The following CNTNAP5 variants were observed in gnomAD, a reference collection of about 807,000 sequenced individuals.
The protein encoded by CNTNAP5 is contactin-associated protein-like 5.
CNTNAP5 carries 72 observed loss-of-function variants against 150.2 expected under a neutral mutation model. The ratio of observed to expected loss-of-function variants is 0.48; its 90% CI spans 0.40 to 0.58. CNTNAP5 has a LOEUF of 0.58. Among genes scored for constraint, CNTNAP5 ranks in the 20% least tolerant of loss-of-function variants. The pLI is 0.00. For synonymous variants in CNTNAP5, 672 were observed against 619.8 expected, an observed-to-expected ratio of 1.08 and a Z score of -1.25; for missense variants, 1,636 against 1,626.2, an observed-to-expected ratio of 1.01 and a Z score of -0.10.
At chr2:124,704,314 A>G (rs1679588046) in intron 13 of CNTNAP5, among the ~76,000 whole-genome samples, 2 of 152,174 alleles carry the variant, frequency 1.3e-5, no homozygotes, top group African/African-American at 2.4e-5. Flanking sequence ...TCAGCCTTGA[A>G]AAAATCATTA....
rs746045102 is a variant in CNTNAP5 at position 124,609,915 on chromosome 2, T to C, written c.1871T>C (p.Ile624Thr). The part of the protein sequence containing the change: ...PLGPLQVYCN[I>T]TEDKIWTSVQ... Reference sequence around the variant, plus strand: ...GGACCTCTCCAGGTGTACTGCAATATCACTGGTAAGGGTGCAGTAGCCCTA... The same window carrying C: ...GGACCTCTCCAGGTGTACTGCAATACCACTGGTAAGGGTGCAGTAGCCCTA... The change falls in exon 12 of 24, where the codon ATC becomes ACC. Residue 624 changes from isoleucine (I) to threonine (T), a missense_variant. Transcript: ENST00000682447. 3.7e-6 allele frequency: 6 copies of C among 1,613,586 alleles called. No homozygotes were observed. In the Admixed American group the frequency reaches 1.0e-4, roughly 27 times the overall value.
rs866321995 is a variant in CNTNAP5, at chr2:124,786,410, G to A, written c.2753-3492G>A. 2.2e-3 allele frequency among the ~76,000 whole-genome samples: 172 copies of A among 78,736 alleles called. 1 individual carries two copies. Among genetic ancestry groups the A allele is most frequent in the African/African-American group, 7.9e-3 (128 of 16,192 alleles). 51.7% of individuals were successfully genotyped at this position (78,736 alleles called of 152,430 possible). A position where few individuals can be genotyped will look rare whatever the true frequency, so the allele number is the denominator to read the frequency against. On this transcript the variant is annotated intron_variant, in intron 17 of 23. Transcript: ENST00000682447. ...AAGAAAGAAAGAAAGAAGGAAGGAA[G>A]GAAGGAAGGAAGGAAGGAAGGAAGG...
intron 19 of CNTNAP5, among the ~76,000 whole-genome samples, chr2:124,844,450 C>T (rs1020990318): frequency 9.9e-5 from 15 of 151,974 alleles, no homozygotes; most frequent in African/African-American, 3.6e-4. Flanking sequence ...TAATGCGATG[C>T]CTCCATATTT....
At chr2:124,446,969 G>A (rs1692836230) in intron 6 of CNTNAP5, 32 bp downstream of exon 6, 2 of 1,592,596 alleles carry the variant, frequency 1.3e-6, no homozygotes, top group East Asian at 2.2e-5. Flanking sequence ...CACCTCCTCG[G>A]CCCCTTGCTT....
chr2:124,626,858 T>C (rs4848950), intron 12 of CNTNAP5, among the ~76,000 whole-genome samples: 79,459 of 151,800 alleles, frequency 0.52, 21,927 homozygotes, highest in Non-Finnish European at 0.62. Context: ...CTGGGACCAC[T>C]GAGTTCCCGG....
At chr2:124,245,626 T>A (rs200422445) in intron 3 of CNTNAP5, among the ~76,000 whole-genome samples, 1 of 151,504 alleles carries the variant, frequency 6.6e-6, no homozygotes, top group Non-Finnish European at 1.5e-5. Flanking sequence ...TGTGTGTGTA[T>A]ATATATGTGT....
intron 1 of CNTNAP5, among the ~76,000 whole-genome samples, chr2:124,091,465 C>G (rs1389641163): frequency 6.6e-6 from 1 of 152,088 alleles, no homozygotes; most frequent in Admixed American, 6.5e-5. Context: ...AGCTTGCAGT[C>G]GTGATCTCAT....
intron 11 of CNTNAP5, among the ~76,000 whole-genome samples, chr2:124,586,169 A>G (rs554370672): frequency 6.6e-6 from 1 of 152,268 alleles, no homozygotes; most frequent in Non-Finnish European, 1.5e-5. Context: ...TGCTCACTAG[A>G]TGGCGATTTC....
At chr2:124,813,265 G>C (rs1682278125) in intron 19 of CNTNAP5, among the ~76,000 whole-genome samples, 1 of 151,788 alleles carries the variant, frequency 6.6e-6, no homozygotes, top group Non-Finnish European at 1.5e-5. Context: ...TTTTAGTAGA[G>C]ACAGGGTTTC....
chr2:124,128,720 A>G (rs1683775756), intron 1 of CNTNAP5, among the ~76,000 whole-genome samples: 1 of 152,216 alleles, frequency 6.6e-6, no homozygotes, highest in South Asian at 2.1e-4. Context: ...ACCATGGAAT[A>G]CTATGCAGCC....
At chr2:124,682,160 A>G (rs1679083080) in intron 13 of CNTNAP5, among the ~76,000 whole-genome samples, 1 of 152,182 alleles carries the variant, frequency 6.6e-6, no homozygotes, top group Non-Finnish European at 1.5e-5. Flanking sequence ...ATCCATGCAC[A>G]TGAATGCAAC....
At position 124,420,316 on chromosome 2, in the gene CNTNAP5, A is replaced by C. The variant is rs1394047947; in HGVS notation, c.529+2726A>C. 1.3e-5 allele frequency among the ~76,000 whole-genome samples: 2 copies of C among 151,928 alleles called. 1 individual carries two copies. ...GACTCGATTGTTTCTATAAACCTAA[A>C]ATCTTACTGTAAGCACCACCAAACA... On this transcript the variant is annotated intron_variant, in intron 4 of 23. Coordinates refer to ENST00000682447, the MANE Select transcript of CNTNAP5 (RefSeq NM_001367498.1).
At chr2:124,587,665 A>C (rs1198972314) in intron 11 of CNTNAP5, among the ~76,000 whole-genome samples, 1 of 152,182 alleles carries the variant, frequency 6.6e-6, no homozygotes, top group African/African-American at 2.4e-5. Context: ...TCTGGCTTCC[A>C]GAAAGGTCTC....
chr2:124,355,018 C>T (rs186181029), intron 3 of CNTNAP5, among the ~76,000 whole-genome samples: 32 of 151,612 alleles, frequency 2.1e-4, no homozygotes, highest in African/African-American at 6.5e-4. Flanking sequence ...TCCATGGTCT[C>T]CATGTCCCAT....
intron 4 of CNTNAP5, among the ~76,000 whole-genome samples, chr2:124,425,463 G>A (rs1692216125): frequency 6.6e-6 from 1 of 152,190 alleles, no homozygotes; most frequent in African/African-American, 2.4e-5. Context: ...CACAACACGG[G>A]TTGATCATTC....
At chr2:124,882,023 G>T (rs2104738662) in intron 21 of CNTNAP5, among the ~76,000 whole-genome samples, 1 of 152,118 alleles carries the variant, frequency 6.6e-6, no homozygotes, top group East Asian at 1.9e-4. Context: ...GGGATTCCCA[G>T]GGATGTGGGA....
chr2:124,403,056 A>G (rs1037045966), intron 3 of CNTNAP5, among the ~76,000 whole-genome samples: 1 of 152,218 alleles, frequency 6.6e-6, no homozygotes, highest in Non-Finnish European at 1.5e-5. Flanking sequence ...ATCTTCTTAA[A>G]TTAGAAAAGA....
intron 19 of CNTNAP5, among the ~76,000 whole-genome samples, chr2:124,837,860 A>G (rs1682862278): frequency 6.6e-6 from 1 of 152,114 alleles, no homozygotes; most frequent in African/African-American, 2.4e-5. Context: ...ATTGATATCA[A>G]TTGGTAATGA....
At chr2:124,749,342 C>T (rs936247497) in intron 14 of CNTNAP5, among the ~76,000 whole-genome samples, 12 of 150,622 alleles carry the variant, frequency 8.0e-5, no homozygotes, top group Non-Finnish European at 3.0e-5. Context: ...CCCCTCCCCT[C>T]CCTCCTCCTT....
Sources: allele counts gnomAD v4.1 joint callset (sites outside exome capture counted in the v4.1 genomes callset), GRCh38; gene constraint gnomAD v4.1.1; transcripts MANE v1.5; gene names NCBI Gene and HGNC (gene_info 2026-07-23, HGNC 2026-07-21).